Variants in ACACA observed in about 807,000 individuals in gnomAD.
The protein encoded by ACACA is acetyl-CoA carboxylase 1.
A neutral mutation model predicts 296.1 loss-of-function variants in ACACA; 103 were observed. The ratio of observed to expected loss-of-function variants is 0.35; its 90% CI spans 0.30 to 0.41. The LOEUF (loss-of-function observed/expected upper bound fraction) is 0.41. ACACA is among the 10% of genes least tolerant of loss of function. The pLI is 1.00. For missense variants in ACACA, 1,554 were observed against 2,989.7 expected (o/e 0.52, Z 11.20); for synonymous variants, 953 against 1,038.6 (o/e 0.92, Z 1.58).
chr17:37,319,631 T>C (rs2047251543), intron 3 of ACACA, among the ~76,000 whole-genome samples: 1 of 152,030 alleles, frequency 6.6e-6, no homozygotes, highest in Admixed American at 6.6e-5. Context: ...AAGACCACCC[T>C]GGGCAACGTG....
At chr17:37,271,619 C>T (rs1331748096) in intron 9 of ACACA, among the ~76,000 whole-genome samples, 1 of 151,838 alleles carries the variant, frequency 6.6e-6, no homozygotes. Context: ...TTATAGTATG[C>T]AGGCATCCAT....
intron 3 of ACACA, among the ~76,000 whole-genome samples, chr17:37,311,443 T>C (rs995101861): frequency 6.6e-6 from 1 of 151,746 alleles, no homozygotes; most frequent in Non-Finnish European, 1.5e-5. Context: ...CACACACACA[T>C]ACATACATAT....
intron 16 of ACACA, among the ~76,000 whole-genome samples, chr17:37,249,429 A>G (rs926743113): frequency 6.6e-6 from 1 of 152,168 alleles, no homozygotes; most frequent in Non-Finnish European, 1.5e-5. Context: ...AGTAATTGCA[A>G]TACCATTTTT....
In ACACA at chr17:37,259,536, A is replaced by G; in HGVS notation, c.1330-6T>C. On this transcript the variant is annotated splice_region_variant and splice_polypyrimidine_tract_variant and intron_variant, in intron 11 of 55. Coordinates refer to ENST00000616317, the MANE Select transcript of ACACA (RefSeq NM_198834.3). ...TTGGCAAGTTTCACCGCACACTCAA[A>G]GAAGAGAGATAAGCAAACATAAGTA... 1 of 1,614,144 alleles carries G rather than the reference A, an allele frequency of 6.2e-7. No individual in the cohort carries two copies. Among genetic ancestry groups the G allele is most frequent in the Non-Finnish European group, 8.5e-7 (1 of 1,179,976 alleles).
Position 37,244,731 on chromosome 17 carries a change from C to A in ACACA, c.2599G>T (p.Glu867Ter). The A allele has an allele frequency of 6.2e-7, 1 of 1,614,172 alleles. No homozygotes were observed. The highest frequency in any genetic ancestry group is 1.1e-5 in the South Asian group (1 of 91,086). ...CGTGGCAGACTACCTGTGTGAAGTT[C>A]AGCCTGTCAACCCCAACAAGAGATC... ...LDNPSKVQQA[E>*]LHTGSLPRIQ... The change falls in exon 21 of 56, where the codon GAA becomes TAA. Residue 867 changes from glutamate (E) to a stop codon, truncating the protein, a stop_gained. Transcript: ENST00000616317. LOFTEE classifies it high-confidence loss of function.
At chr17:37,199,321 T>A (rs2078144220) in intron 35 of ACACA, among the ~76,000 whole-genome samples, 1 of 152,164 alleles carries the variant, frequency 6.6e-6, no homozygotes, top group African/African-American at 2.4e-5. Flanking sequence ...AGAATCAATT[T>A]TTATGAAATA....
At chr17:37,339,448 G>A (rs2048286480) in intron 2 of ACACA, among the ~76,000 whole-genome samples, 1 of 152,230 alleles carries the variant, frequency 6.6e-6, no homozygotes, top group South Asian at 2.1e-4. Flanking sequence ...GCAACTCAGT[G>A]TGAACAGCTA....
At chr17:37,245,871 C>T (rs756709184) in intron 19 of ACACA, among the ~76,000 whole-genome samples, 1 of 152,126 alleles carries the variant, frequency 6.6e-6, no homozygotes, top group Non-Finnish European at 1.5e-5. Flanking sequence ...TTTATAAGAT[C>T]CTTCATAACC....
At chr17:37,346,700 TCAAAAAAAAAA>T (rs1207599504) in intron 1 of ACACA, among the ~76,000 whole-genome samples, 20 of 106,500 alleles carry the variant, frequency 1.9e-4, no homozygotes, top group Admixed American at 2.8e-4. Flanking sequence ...AGACTCCATC[TCAAAAAAAAAA>T]AAAAAAAAAA....
chr17:37,355,782 C>T (rs1183039197), intron 1 of ACACA, among the ~76,000 whole-genome samples: 4 of 151,748 alleles, frequency 2.6e-5, no homozygotes, highest in African/African-American at 4.8e-5. Flanking sequence ...CGCTTGAACC[C>T]GGGAGGCGGA....
Position 37,170,650 on chromosome 17 carries a change from C to A in ACACA, c.5080-8600G>T, listed in dbSNP as rs564660498. On this transcript the variant is annotated intron_variant, in intron 41 of 55. Transcript: ENST00000616317. ...TATGTATTTTTTCTGCTGGGAGGAC[C>A]TTGGTTTAATGTTACTATAACAGAT... Among the ~76,000 whole-genome samples, 3 of 152,236 alleles carry A rather than the reference C, an allele frequency of 2.0e-5. No homozygotes were observed. In the East Asian group the frequency reaches 5.8e-4, roughly 29 times the overall value.
intron 5 of ACACA, among the ~76,000 whole-genome samples, chr17:37,281,593 C>T (rs1047712395): frequency 1.3e-5 from 2 of 152,086 alleles, no homozygotes; most frequent in Admixed American, 6.6e-5. Context: ...CCGGACCGGG[C>T]GCAGTGGCTT....
At chr17:37,242,078 A>T in intron 22 of ACACA, 25 bp from the exon 23 acceptor site, 1 of 1,590,612 alleles carries the variant, frequency 6.3e-7, no homozygotes, top group South Asian at 1.1e-5. Flanking sequence ...AGGGAAAAAA[A>T]TGAGGCCCAA....
At chr17:37,108,891 G>A (rs898128153) in intron 52 of ACACA, among the ~76,000 whole-genome samples, 3 of 152,196 alleles carry the variant, frequency 2.0e-5, no homozygotes, top group African/African-American at 4.8e-5. Context: ...GTTTAATTTA[G>A]TTCGGGCTCA....
intron 26 of ACACA, chr17:37,225,582 C>G (rs1208796371): frequency 5.4e-6 from 1 of 186,702 alleles, no homozygotes; most frequent in African/African-American, 2.4e-5. Flanking sequence ...AAGGAGAACG[C>G]GTCAGGAAGT....
intron 11 of ACACA, among the ~76,000 whole-genome samples, chr17:37,260,673 C>T (rs78624877): frequency 0.011 from 1,736 of 152,048 alleles, 39 homozygotes; most frequent in African/African-American, 0.038. Context: ...TTCATTGGAA[C>T]ATAGTCATGA....
At chr17:37,157,405 A>G (rs952893722) in intron 42 of ACACA, among the ~76,000 whole-genome samples, 1 of 152,166 alleles carries the variant, frequency 6.6e-6, no homozygotes, top group African/African-American at 2.4e-5. Flanking sequence ...AAGCCAATCT[A>G]TGTAAGGCCT....
chr17:37,357,570 C>A (rs1483281941), intron 1 of ACACA, among the ~76,000 whole-genome samples: 3 of 152,132 alleles, frequency 2.0e-5, no homozygotes, highest in Non-Finnish European at 2.9e-5. Flanking sequence ...TAATACTTTA[C>A]CTTTGGCATC....
intron 3 of ACACA, among the ~76,000 whole-genome samples, chr17:37,327,477 C>T (rs551075239): frequency 2.6e-5 from 4 of 152,316 alleles, no homozygotes; most frequent in East Asian, 1.9e-4. Flanking sequence ...GGCTCCTCCA[C>T]GAGCTACGGA....
Sources: allele counts gnomAD v4.1 joint callset (sites outside exome capture counted in the v4.1 genomes callset), GRCh38; gene constraint gnomAD v4.1.1; transcripts MANE v1.5; gene names NCBI Gene and HGNC (gene_info 2026-07-23, HGNC 2026-07-21).